Variants in YTHDC1 observed in about 807,000 individuals in gnomAD.
YTHDC1 encodes YTH domain-containing protein 1.
In YTHDC1, 12 loss-of-function variants were observed where a neutral mutation model predicts 107.0. The ratio of observed to expected loss-of-function variants is 0.11; its 90% CI spans 0.07 to 0.18. YTHDC1 has a LOEUF of 0.18. Among genes scored for constraint, YTHDC1 ranks in the 10% least tolerant of loss-of-function variants. YTHDC1 has a pLI of 1.00. For synonymous variants in YTHDC1, 280 were observed against 289.5 expected, an observed-to-expected ratio of 0.97 and a Z score of 0.33; for missense variants, 635 against 898.8, an observed-to-expected ratio of 0.71 and a Z score of 3.75.
At chr4:68,334,321 C>T (rs1235144693) in intron 4 of YTHDC1, among the ~76,000 whole-genome samples, 1 of 152,062 alleles carries the variant, frequency 6.6e-6, no homozygotes, top group Non-Finnish European at 1.5e-5. Context: ...TATACAATAA[C>T]CTACTATATA....
At chr4:68,346,634 C>T (rs1479500167) in intron 1 of YTHDC1, among the ~76,000 whole-genome samples, 1 of 152,108 alleles carries the variant, frequency 6.6e-6, no homozygotes, top group Admixed American at 6.5e-5. Context: ...GCATATGTTA[C>T]CTGCCATTAG....
Position 68,337,259 on chromosome 4 carries a change from T to A in YTHDC1, c.651A>T (p.Glu217Asp), listed in dbSNP as rs368814607. 7.7e-5 allele frequency: 124 copies of A among 1,608,206 alleles called. No individual in the cohort carries two copies. The highest frequency in any genetic ancestry group is 2.3e-4 in the African/African-American group (17 of 74,910). Residue 217 changes from glutamate to aspartate, a missense_variant, in exon 4 of 17, where the codon GAA (glutamate) becomes GAT (aspartate). By Grantham distance (45) the Glu-to-Asp change is conservative. This residue lies in a region of YTHDC1 where 294 missense variants were observed against 312.3 expected (regional missense o/e 0.94). Coordinates refer to ENST00000344157, the MANE Select transcript of YTHDC1 (RefSeq NM_001031732.4). ...EDVEEDEEVE[E>D]DAEEDEEVDE... ...CCACCTCTTCATCTTCTTCTGCATCTTCTTCTACTTCTTCATCTTCCTCCA... is the reference window on the plus strand; with the variant it reads ...CCACCTCTTCATCTTCTTCTGCATCATCTTCTACTTCTTCATCTTCCTCCA...
At chr4:68,345,707 G>A (rs1725332882) in intron 1 of YTHDC1, among the ~76,000 whole-genome samples, 1 of 151,906 alleles carries the variant, frequency 6.6e-6, no homozygotes, top group Non-Finnish European at 1.5e-5. Flanking sequence ...ATGCCTTACA[G>A]AGCCCAAACT....
rs1721507377 is a variant in YTHDC1 at position 68,313,799 on chromosome 4, G to A, written c.*300C>T. The A allele has an allele frequency of 2.9e-6, 1 of 349,256 alleles. No individual in the cohort carries two copies. Among genetic ancestry groups the A allele is most frequent in the East Asian group, 5.1e-5 (1 of 19,764 alleles). The allele number at this position is 349,256 out of a possible 1,614,324, so 21.6% of individuals were successfully genotyped here. ...AAAAACAAACAAAAAAATAACTCTA[G>A]GATGAACACACTATAAGAACATTTA... On this transcript the variant is annotated 3_prime_UTR_variant, in exon 17 of 17. Transcript: ENST00000344157.
chr4:68,314,441 CTG>C lies in YTHDC1; in HGVS notation c.1960-120_1960-119del, dbSNP rs891406903. The C allele has an allele frequency of 2.9e-5, 25 of 856,948 alleles. 1 individual carries two copies. The South Asian group carries it at 2.9e-4, about 10-fold the overall frequency. 53.1% of individuals were successfully genotyped at this position (856,948 alleles called of 1,614,324 possible). A position where few individuals can be genotyped will look rare whatever the true frequency, so the allele number is the denominator to read the frequency against. On this transcript the variant is annotated intron_variant, in intron 16 of 16. Coordinates refer to ENST00000344157, the MANE Select transcript of YTHDC1 (RefSeq NM_001031732.4). ...TTAAAATATAAAAAAAGAAAAGTCT[CTG>C]TATTATAATCGGCGGAGAGAACAAT...
Position 68,344,865 on chromosome 4 carries a change from A to G in YTHDC1, c.28+4861T>C, listed in dbSNP as rs569638094. ...TGCTTGGGCAACATGATGAAACCCCATCTCTACAAAAAACACAAAAATTAG... is the reference window on the plus strand; with the variant it reads ...TGCTTGGGCAACATGATGAAACCCCGTCTCTACAAAAAACACAAAAATTAG... On this transcript the variant is annotated intron_variant, in intron 1 of 16. Transcript: ENST00000344157. Among the ~76,000 whole-genome samples the G allele has an allele frequency of 2.1e-3, 325 of 152,230 alleles. 3 individuals carry two copies. The highest frequency in any genetic ancestry group is 2.4e-3 in the Non-Finnish European group (160 of 68,000).
intron 9 of YTHDC1, among the ~76,000 whole-genome samples, chr4:68,327,602 A>G (rs1400531403): frequency 6.6e-6 from 1 of 152,202 alleles, no homozygotes; most frequent in African/African-American, 2.4e-5. Flanking sequence ...GCTTAAGTCT[A>G]GTTATTATTA....
intron 4 of YTHDC1, 93 bp from the exon 5 acceptor site, chr4:68,333,490 C>T (rs1723819147): frequency 1.2e-6 from 1 of 839,138 alleles, no homozygotes; most frequent in African/African-American, 1.7e-5. Context: ...CTAGTTTTTG[C>T]ATAGCCCTTC....
chr4:68,331,088 G>A (rs537606195), intron 7 of YTHDC1, among the ~76,000 whole-genome samples: 6 of 152,156 alleles, frequency 3.9e-5, no homozygotes, highest in East Asian at 1.9e-4. Context: ...CAGTATTTGC[G>A]TATAACCCAT....
At chr4:68,323,993 G>A (rs1722708652) in intron 10 of YTHDC1, 146 bp downstream of exon 10, 2 of 659,628 alleles carry the variant, frequency 3.0e-6, no homozygotes, top group Admixed American at 3.1e-5. Flanking sequence ...CTCAATCACA[G>A]TTATTATAAA....
intron 15 of YTHDC1, among the ~76,000 whole-genome samples, chr4:68,317,560 C>A (rs1035615843): frequency 6.6e-6 from 1 of 152,120 alleles, no homozygotes; most frequent in Non-Finnish European, 1.5e-5. Flanking sequence ...TCTTCAATAT[C>A]TTAAAATATA....
intron 9 of YTHDC1, among the ~76,000 whole-genome samples, chr4:68,326,915 C>T (rs1723051243): frequency 6.6e-6 from 1 of 151,308 alleles, no homozygotes; most frequent in Admixed American, 6.6e-5. Flanking sequence ...ATATGCTGGA[C>T]AGTGGTTTGT....
At chr4:68,314,534 T>C (rs977605917) in intron 16 of YTHDC1, among the ~76,000 whole-genome samples, 1 of 152,236 alleles carries the variant, frequency 6.6e-6, no homozygotes, top group African/African-American at 2.4e-5. Flanking sequence ...AGAAAAAGGA[T>C]GATGCCTCAT....
chr4:68,337,495 A>G (rs765984216), intron 3 of YTHDC1, 45 bp from the exon 4 acceptor site: 1 of 1,602,106 alleles, frequency 6.2e-7, no homozygotes, highest in Admixed American at 1.7e-5. Context: ...ATAAAAGACA[A>G]GGTCAGGGTG....
At chr4:68,329,764 G>T (rs1311219592) in intron 9 of YTHDC1, among the ~76,000 whole-genome samples, 2 of 151,988 alleles carry the variant, frequency 1.3e-5, no homozygotes, top group African/African-American at 2.4e-5. Context: ...ATACAGATAC[G>T]CCAGACAACA....
chr4:68,344,706 C>T (rs1463719398), intron 1 of YTHDC1, among the ~76,000 whole-genome samples: 1 of 152,074 alleles, frequency 6.6e-6, no homozygotes, highest in Non-Finnish European at 1.5e-5. Context: ...GGTAAAGGTA[C>T]AGATTCCCAG....
chr4:68,337,756 G>A lies in YTHDC1; in HGVS notation c.275C>T (p.Ala92Val), dbSNP rs2109730447. The A allele has an allele frequency of 6.2e-7, 1 of 1,613,990 alleles. No homozygotes were observed. Among genetic ancestry groups the A allele is most frequent in the Non-Finnish European group, 8.5e-7 (1 of 1,180,002 alleles). The change falls in exon 3 of 17, where the codon GCC (alanine) becomes GTC (valine). Residue 92 changes from alanine to valine, a missense_variant. By Grantham distance (64) the Ala-to-Val change is moderately conservative (BLOSUM62 0). Transcript: ENST00000344157. ...KRIVSTKGKS[A>V]TEYKNEEYQR... Reference sequence around the variant, plus strand: ...ATATTCCTCATTTTTATACTCTGTGGCTGACTTTCCTTTTGTACTAACTAT... The same window carrying A: ...ATATTCCTCATTTTTATACTCTGTGACTGACTTTCCTTTTGTACTAACTAT...
rs1262479602 is a variant in YTHDC1 at position 68,320,144 on chromosome 4, G to C, written c.1663C>G (p.Pro555Ala). Residue 555 changes from proline (P) to alanine (A), a missense_variant, in exon 12 of 17, where the codon CCT becomes GCT. Physicochemically the swap from Pro to Ala is conservative, Grantham distance 27. Transcript: ENST00000344157. ...TAACCTGGTCTCTGGTGAAACTCAGGGGGATAGTCAATCCTTGGTTTCTTT... is the reference window on the plus strand; with the variant it reads ...TAACCTGGTCTCTGGTGAAACTCAGCGGGATAGTCAATCCTTGGTTTCTTT... ...SRKKPRIDYP[P>A]EFHQRPGYLK... 4 of 1,608,298 alleles carry C rather than the reference G, an allele frequency of 2.5e-6. No individual in the cohort carries two copies. The highest frequency in any genetic ancestry group is 3.4e-6 in the Non-Finnish European group (4 of 1,178,118).
In YTHDC1 at chr4:68,324,157, CT is replaced by C; in HGVS notation, c.1415del (p.Lys472ArgfsTer93). 1 of 1,613,746 alleles carries C rather than the reference CT, an allele frequency of 6.2e-7. No homozygotes were observed. The highest frequency in any genetic ancestry group is 8.5e-7 in the Non-Finnish European group (1 of 1,179,808). ...TNPWNEHKPV[K>X]IGRDGQEIEL... ...CACAAACCTGTCCATCACGTCCGAT[CT>C]TTACTGGTTTATGTTCATTCCAAGG... On this transcript the variant is annotated frameshift_variant, in exon 10 of 17. Transcript: ENST00000344157. LOFTEE classifies it high-confidence loss of function.
Sources: allele counts gnomAD v4.1 joint callset (sites outside exome capture counted in the v4.1 genomes callset), GRCh38; gene constraint gnomAD v4.1.1; regional missense constraint gnomAD v4.1.1; transcripts MANE v1.5; gene names NCBI Gene and HGNC (gene_info 2026-07-23, HGNC 2026-07-21).